CACNA1C: variants seen among roughly 807,000 people sequenced by gnomAD.
CACNA1C encodes the protein calcium voltage-gated channel subunit alpha1 C.
In CACNA1C, 30 loss-of-function variants were observed where a neutral mutation model predicts 229.0. The ratio of observed to expected loss-of-function variants is 0.13; its 90% CI spans 0.10 to 0.18. The LOEUF (loss-of-function observed/expected upper bound fraction) is 0.18. Among genes scored for constraint, CACNA1C ranks in the 10% least tolerant of loss-of-function variants. CACNA1C has a pLI of 1.00. For synonymous variants in CACNA1C, 1,114 were observed against 1,132.5 expected, an observed-to-expected ratio of 0.98 and a Z score of 0.33; for missense variants, 1,658 against 2,845.0, an observed-to-expected ratio of 0.58 and a Z score of 9.49.
intron 1 of CACNA1C, among the ~76,000 whole-genome samples, chr12:2,032,342 G>A (rs1055506234): frequency 1.3e-5 from 2 of 152,156 alleles, no homozygotes; most frequent in African/African-American, 4.8e-5. Flanking sequence ...TATTTTGGGT[G>A]TACCCTAGGG....
intron 29 of CACNA1C, among the ~76,000 whole-genome samples, chr12:2,621,192 G>A (rs2083052465): frequency 6.6e-6 from 1 of 152,162 alleles, no homozygotes; most frequent in Non-Finnish European, 1.5e-5. Flanking sequence ...ACAGAGTAGT[G>A]CGGGAGACAC....
At chr12:2,033,843 G>A (rs964011432) in intron 1 of CACNA1C, among the ~76,000 whole-genome samples, 5 of 152,210 alleles carry the variant, frequency 3.3e-5, no homozygotes, top group Non-Finnish European at 7.3e-5. Context: ...ATTCCAAATA[G>A]AGGTGGTGAG....
intron 3 of CACNA1C, among the ~76,000 whole-genome samples, chr12:2,286,840 G>A (rs1294668269): frequency 1.3e-5 from 2 of 152,248 alleles, no homozygotes; most frequent in East Asian, 3.8e-4. Context: ...CAGGAGAAAG[G>A]ATTTCTTCAC....
intron 5 of CACNA1C, among the ~76,000 whole-genome samples, chr12:2,480,061 G>A (rs181835528): frequency 2.8e-4 from 43 of 152,258 alleles, no homozygotes; most frequent in African/African-American, 1.0e-3. Flanking sequence ...GGCCTTCCTC[G>A]TGTGCTTCCT....
chr12:2,115,939 T>C (rs2083656449), intron 2 of CACNA1C, among the ~76,000 whole-genome samples: 1 of 152,238 alleles, frequency 6.6e-6, no homozygotes, highest in Non-Finnish European at 1.5e-5. Context: ...TGCTGCCTCA[T>C]TCCCTTCTTT....
chr12:2,116,686 G>A (rs2084060063), intron 2 of CACNA1C, among the ~76,000 whole-genome samples: 1 of 152,114 alleles, frequency 6.6e-6, no homozygotes, highest in African/African-American at 2.4e-5. Context: ...GGACCTTTAA[G>A]TGCTGAAGTT....
intron 1 of CACNA1C, among the ~76,000 whole-genome samples, chr12:1,995,237 A>G (rs762014410): frequency 6.6e-6 from 1 of 152,180 alleles, no homozygotes; most frequent in Admixed American, 6.5e-5. Context: ...CCTACTAAAA[A>G]TTCCCCAAAT....
intron 3 of CACNA1C, among the ~76,000 whole-genome samples, chr12:2,142,426 A>G (rs2094326872): frequency 6.6e-6 from 1 of 151,278 alleles, no homozygotes; most frequent in South Asian, 2.1e-4. Flanking sequence ...TCTGTACAGT[A>G]CTGTACAGTA....
intron 3 of CACNA1C, among the ~76,000 whole-genome samples, chr12:2,226,094 C>T (rs893023514): frequency 1.3e-5 from 2 of 150,256 alleles, no homozygotes; most frequent in African/African-American, 4.9e-5. Context: ...AAGCTGAACT[C>T]CCAAGGTATG....
At chr12:2,057,961 C>G (rs1356169152) in intron 1 of CACNA1C, among the ~76,000 whole-genome samples, 1 of 152,216 alleles carries the variant, frequency 6.6e-6, no homozygotes. Flanking sequence ...ACAAAAACAA[C>G]TGGGTGCACT....
At chr12:2,483,949 T>C (rs898622736) in intron 5 of CACNA1C, among the ~76,000 whole-genome samples, 6 of 152,142 alleles carry the variant, frequency 3.9e-5, no homozygotes, top group African/African-American at 1.4e-4. Flanking sequence ...GCAGTAGCAT[T>C]TATTTAGATG....
intron 34 of CACNA1C, among the ~76,000 whole-genome samples, chr12:2,661,824 A>G (rs778638011): frequency 2.6e-5 from 4 of 152,246 alleles, no homozygotes; most frequent in Non-Finnish European, 5.9e-5. Context: ...TGGAAGATTA[A>G]AAGATTAACA....
intron 3 of CACNA1C, among the ~76,000 whole-genome samples, chr12:2,278,304 A>T (rs981777367): frequency 6.6e-6 from 1 of 152,218 alleles, no homozygotes; most frequent in Non-Finnish European, 1.5e-5. Context: ...ACATATTTCA[A>T]CTGTATACTT....
In CACNA1C at chr12:2,580,546, C is replaced by A. The variant is rs1458678717; in HGVS notation, c.1896-1044C>A. 3.3e-5 allele frequency among the ~76,000 whole-genome samples: 5 copies of A among 152,350 alleles called. No individual in the cohort carries two copies. The South Asian group carries it at 1.0e-3, about 32-fold the overall frequency. ...ATTGTTCTGTTCTTGCTCTTGCTCC[C>A]TCAGGGCCATGTCCTTTTGCCATGG... On this transcript the variant is annotated intron_variant, in intron 13 of 46. Transcript: ENST00000399655.
At chr12:2,551,825 G>A (rs2099904475) in intron 10 of CACNA1C, among the ~76,000 whole-genome samples, 1 of 152,064 alleles carries the variant, frequency 6.6e-6, no homozygotes, top group South Asian at 2.1e-4. Flanking sequence ...GAAGAGGAAG[G>A]AGCCGTCACA....
chr12:2,356,446 A>G (rs11062198), intron 3 of CACNA1C, among the ~76,000 whole-genome samples: 18,290 of 152,270 alleles, frequency 0.12, 2,228 homozygotes, highest in African/African-American at 0.31. Flanking sequence ...GTGTTCTCAC[A>G]TTGGAACCCA....
At chr12:2,320,127 A>G (rs992950382) in intron 3 of CACNA1C, among the ~76,000 whole-genome samples, 4 of 152,162 alleles carry the variant, frequency 2.6e-5, no homozygotes, top group African/African-American at 9.7e-5. Flanking sequence ...GATAAGCCAC[A>G]GTGTTACTGA....
At chr12:2,351,811 C>T (rs1306779959) in intron 3 of CACNA1C, among the ~76,000 whole-genome samples, 1 of 152,134 alleles carries the variant, frequency 6.6e-6, no homozygotes, top group East Asian at 1.9e-4. Flanking sequence ...TTTCCCTACC[C>T]CTACCCCTAA....
At chr12:2,609,391 C>T (rs781521363) in intron 27 of CACNA1C, among the ~76,000 whole-genome samples, 1 of 151,848 alleles carries the variant, frequency 6.6e-6, no homozygotes, top group South Asian at 2.1e-4. Context: ...CGGGCAGGAG[C>T]GCAGCGTGGT....
Sources: gnomAD v4.1 joint callset for allele counts (sites outside exome capture counted in the v4.1 genomes callset) on GRCh38, gnomAD v4.1.1 for gene constraint, MANE v1.5 for transcripts, NCBI Gene and HGNC (gene_info 2026-07-23, HGNC 2026-07-21) for gene names.